ZNG1E: variants seen among roughly 807,000 people sequenced by gnomAD.
The protein encoded by ZNG1E is zinc-regulated GTPase metalloprotein activator 1E.
the ZNG1E span, among the ~76,000 whole-genome samples, chr9:65,659,643 C>T: frequency 2.0e-5 from 3 of 152,058 alleles, no homozygotes; most frequent in East Asian, 3.8e-4. Flanking sequence ...ATAATAGTCA[C>T]AAAAGGAGTA....
the ZNG1E span, among the ~76,000 whole-genome samples, chr9:65,722,697 A>ATTATTTTTT: frequency 1.2e-4 from 1 of 8,396 alleles, no homozygotes; most frequent in Non-Finnish European, 2.0e-4. Context: ...TGCCTAGCTA[A>ATTATTTTTT]TTTTTTTTTT....
the ZNG1E span, among the ~76,000 whole-genome samples, chr9:65,659,354 G>A: frequency 1.8e-4 from 27 of 150,510 alleles, 1 homozygote; most frequent in Non-Finnish European, 2.7e-4. Context: ...AATTAGCCAG[G>A]CGTGGTGGCG....
chr9:65,722,522 G>GT, the ZNG1E span, among the ~76,000 whole-genome samples: 629 of 51,488 alleles, frequency 0.012, 1 homozygote, highest in Non-Finnish European at 0.019. Context: ...TTTTGTTTTT[G>GT]TTTTTTTGGT....
chr9:65,691,505 T>G, the ZNG1E span, among the ~76,000 whole-genome samples: 1 of 152,326 alleles, frequency 6.6e-6, no homozygotes, highest in African/African-American at 2.4e-5. Context: ...TTTGTTCATA[T>G]AGATTAAAAA....
At chr9:65,660,639 G>T in the ZNG1E span, among the ~76,000 whole-genome samples, 1 of 151,786 alleles carries the variant, frequency 6.6e-6, no homozygotes, top group African/African-American at 2.4e-5. Context: ...AAAGGCTAGA[G>T]AAGAAGCTTA....
chr9:65,665,220 C>G, the ZNG1E span, among the ~76,000 whole-genome samples: 180 of 152,282 alleles, frequency 1.2e-3, no homozygotes, highest in African/African-American at 4.0e-3. Flanking sequence ...TTCTTCATGG[C>G]AGCCCCTCCC....
chr9:65,689,274 C>T, the ZNG1E span, among the ~76,000 whole-genome samples: 716 of 87,594 alleles, frequency 8.2e-3, no homozygotes, highest in Middle Eastern at 0.018. Context: ...TTCAGGTTTT[C>T]TCAGTGTCAG....
chr9:65,709,257 A>C, the ZNG1E span, among the ~76,000 whole-genome samples: 5 of 149,116 alleles, frequency 3.4e-5, no homozygotes, highest in African/African-American at 1.3e-4. Context: ...TGCATGAAAT[A>C]CATGGAAAAT....
the ZNG1E span, among the ~76,000 whole-genome samples, chr9:65,715,458 C>A: frequency 6.7e-6 from 1 of 148,962 alleles, no homozygotes; most frequent in African/African-American, 2.6e-5. Context: ...TAGTTTTCTG[C>A]CTTCTGCTGT....
the ZNG1E span, among the ~76,000 whole-genome samples, chr9:65,699,228 T>G: frequency 6.8e-6 from 1 of 148,016 alleles, no homozygotes; most frequent in Non-Finnish European, 1.5e-5. Context: ...CTGGCTGAAC[T>G]TAAGTATTTT....
chr9:65,710,291 C>A, the ZNG1E span, among the ~76,000 whole-genome samples: 1 of 147,106 alleles, frequency 6.8e-6, no homozygotes, highest in Non-Finnish European at 1.5e-5. Flanking sequence ...AAATTTTCTC[C>A]CATTTTGTAG....
At chr9:65,715,360 G>T in the ZNG1E span, among the ~76,000 whole-genome samples, 1 of 150,928 alleles carries the variant, frequency 6.6e-6, no homozygotes, top group Admixed American at 6.6e-5. Context: ...CCTGTCTTCT[G>T]CGTCTCTCAC....
the ZNG1E span, among the ~76,000 whole-genome samples, chr9:65,667,107 C>G: frequency 6.6e-6 from 1 of 152,266 alleles, no homozygotes; most frequent in Non-Finnish European, 1.5e-5. Context: ...ACATGTGAGC[C>G]ACCGTACCCG....
At chr9:65,714,709 A>ACTT in the ZNG1E span, among the ~76,000 whole-genome samples, 1 of 151,532 alleles carries the variant, frequency 6.6e-6, no homozygotes, top group South Asian at 2.1e-4. Context: ...GTGACCTCCC[A>ACTT]GGGGGTCAGG....
chr9:65,677,169 TG>T, the ZNG1E span: 1 of 1,547,518 alleles, frequency 6.5e-7, no homozygotes, highest in Non-Finnish European at 8.7e-7. Flanking sequence ...ACAAATTTCT[TG>T]TCCAAAACAA....
At chr9:65,691,022 T>C in the ZNG1E span, 1 of 1,601,482 alleles carries the variant, frequency 6.2e-7, no homozygotes, top group Non-Finnish European at 8.5e-7. Flanking sequence ...ATATTTACCT[T>C]GATGGTAAGT....
chr9:65,691,208 G>A, the ZNG1E span, among the ~76,000 whole-genome samples: 22 of 150,734 alleles, frequency 1.5e-4, no homozygotes, highest in African/African-American at 2.7e-4. Context: ...TCAGCCTCCC[G>A]AGTAGCTGGG....
At chr9:65,685,079 A>C in the ZNG1E span, among the ~76,000 whole-genome samples, 4 of 150,918 alleles carry the variant, frequency 2.7e-5, no homozygotes, top group South Asian at 8.4e-4. Flanking sequence ...AGCTGTGTTT[A>C]TACTATACTG....
chr9:65,728,149 T>G, the ZNG1E span, among the ~76,000 whole-genome samples: 8 of 152,222 alleles, frequency 5.3e-5, no homozygotes, highest in Admixed American at 4.6e-4. Flanking sequence ...GAATGATCAT[T>G]GGGTCAAAGA....
Sources: gnomAD v4.1 joint callset for allele counts (sites outside exome capture counted in the v4.1 genomes callset) on GRCh38, gnomAD v4.1.1 for gene constraint, MANE v1.5 for transcripts, NCBI Gene and HGNC (gene_info 2026-07-23, HGNC 2026-07-21) for gene names.